ARHGAP10: variants seen among roughly 807,000 people sequenced by gnomAD.
The protein encoded by ARHGAP10 is Rho GTPase activating protein 10.
ARHGAP10 carries 87 observed loss-of-function variants against 108.6 expected under a neutral mutation model. That is an observed-to-expected ratio of 0.80 (90% confidence interval 0.67 to 0.96). The LOEUF is 0.96. ARHGAP10 is among the 40% of genes least tolerant of loss of function. The pLI is 0.00. For synonymous variants in ARHGAP10, 347 were observed against 341.1 expected, an observed-to-expected ratio of 1.02 and a Z score of -0.19; for missense variants, 939 against 954.5, an observed-to-expected ratio of 0.98 and a Z score of 0.21.
intron 18 of ARHGAP10, among the ~76,000 whole-genome samples, chr4:147,969,571 T>C (rs1453323351): frequency 6.6e-6 from 1 of 152,182 alleles, no homozygotes; most frequent in Non-Finnish European, 1.5e-5. Flanking sequence ...TTTGTGAAAA[T>C]ACTGGCTCTG....
At chr4:147,872,944 G>T (rs1010829483) in intron 7 of ARHGAP10, among the ~76,000 whole-genome samples, 8 of 152,070 alleles carry the variant, frequency 5.3e-5, no homozygotes, top group African/African-American at 1.9e-4. Flanking sequence ...AGACTTAGAA[G>T]TGAGCACACT....
At chr4:148,024,700 C>T (rs1331920189) in intron 19 of ARHGAP10, among the ~76,000 whole-genome samples, 12 of 152,250 alleles carry the variant, frequency 7.9e-5, no homozygotes, top group Admixed American at 7.9e-4. Flanking sequence ...TTTAGACACT[C>T]ATTTCAACTT....
chr4:147,745,616 C>T (rs113727407), intron 1 of ARHGAP10, among the ~76,000 whole-genome samples: 4,948 of 151,978 alleles, frequency 0.033, 258 homozygotes, highest in African/African-American at 0.11. Flanking sequence ...CTCAGCCTCC[C>T]GAGTAGCTGG....
chr4:147,947,227 CTTT>C (rs34782915), intron 15 of ARHGAP10, among the ~76,000 whole-genome samples: 2 of 101,592 alleles, frequency 2.0e-5, no homozygotes, highest in African/African-American at 3.3e-5. Flanking sequence ...GAGTCACTGT[CTTT>C]TTTTTTTTTT....
At chr4:147,944,352 T>G (rs1057054682) in intron 14 of ARHGAP10, among the ~76,000 whole-genome samples, 2 of 152,234 alleles carry the variant, frequency 1.3e-5, no homozygotes, top group Non-Finnish European at 2.9e-5. Flanking sequence ...TGTAGTTTAT[T>G]GCATATTGCT....
chr4:148,008,152 T>G (rs561808484), intron 18 of ARHGAP10, among the ~76,000 whole-genome samples: 6 of 152,332 alleles, frequency 3.9e-5, no homozygotes, highest in South Asian at 4.1e-4. Context: ...ATTGCTTGTC[T>G]TGTGTAGCTG....
rs528332350 is a variant in ARHGAP10 at position 147,852,654 on chromosome 4, C to G, written c.385-4899C>G. Among the ~76,000 whole-genome samples the G allele has an allele frequency of 4.7e-5, 7 of 149,254 alleles. No individual in the cohort carries two copies. The South Asian group carries it at 8.5e-4, about 18-fold the overall frequency. ...GCCAGTTTTACCATGGGCCGATTGA[C>G]GTAAACAAAAGTTTTTATGTCATAT... is the stretch of plus-strand genomic sequence containing the variant. On this transcript the variant is annotated intron_variant, in intron 4 of 22. Coordinates refer to ENST00000336498, the MANE Select transcript of ARHGAP10 (RefSeq NM_024605.4).
At chr4:147,762,520 T>TTATTTTTA (rs1265303325) in intron 1 of ARHGAP10, among the ~76,000 whole-genome samples, 218 of 17,624 alleles carry the variant, frequency 0.012, no homozygotes, top group Non-Finnish European at 0.016. Context: ...ATTTATTTAT[T>TTATTTTTA]TTTATTTATT....
chr4:147,822,419 G>A (rs1732539082), intron 1 of ARHGAP10, among the ~76,000 whole-genome samples: 1 of 152,222 alleles, frequency 6.6e-6, no homozygotes, highest in South Asian at 2.1e-4. Context: ...ACTGGAGTGA[G>A]CAGAGAAAGG....
At chr4:147,749,480 A>C (rs1729058799) in intron 1 of ARHGAP10, among the ~76,000 whole-genome samples, 1 of 152,234 alleles carries the variant, frequency 6.6e-6, no homozygotes, top group Admixed American at 6.5e-5. Flanking sequence ...AATCCAGCAG[A>C]ATGGATTGAA....
intron 4 of ARHGAP10, among the ~76,000 whole-genome samples, chr4:147,855,914 G>T (rs1280109479): frequency 6.6e-6 from 1 of 152,132 alleles, no homozygotes; most frequent in African/African-American, 2.4e-5. Context: ...GAATTAACAT[G>T]CTTTGTTTAA....
chr4:147,936,317 CTT>C lies in ARHGAP10; in HGVS notation c.1229-3487_1229-3486del, dbSNP rs765432394. On this transcript the variant is annotated intron_variant, in intron 13 of 22. Transcript: ENST00000336498. ...GGGCTGTGCGGCCTCCTTTTCCTCT[CTT>C]TTTTTTTTTTTTTTTTTTTTGAGAT... Among the ~76,000 whole-genome samples, 29 of 97,896 alleles carry C rather than the reference CTT, an allele frequency of 3.0e-4. No homozygotes were observed. In the South Asian group the frequency reaches 7.6e-3, roughly 26 times the overall value. 64.2% of individuals were successfully genotyped at this position (97,896 alleles called of 152,430 possible). A position where few individuals can be genotyped will look rare whatever the true frequency, so the allele number is the denominator to read the frequency against.
chr4:147,771,636 A>C (rs941166958), intron 1 of ARHGAP10, among the ~76,000 whole-genome samples: 2 of 152,214 alleles, frequency 1.3e-5, no homozygotes, highest in Non-Finnish European at 2.9e-5. Flanking sequence ...GCATAATGTT[A>C]GCTTTCTCCT....
chr4:147,912,447 G>A (rs1179999910), intron 12 of ARHGAP10, among the ~76,000 whole-genome samples: 3 of 150,646 alleles, frequency 2.0e-5, no homozygotes, highest in Non-Finnish European at 4.4e-5. Flanking sequence ...AGGCTGAGGT[G>A]GAAGAATCGC....
chr4:148,043,614 AATAT>A lies in ARHGAP10; in HGVS notation c.1868-3243_1868-3240del, dbSNP rs57931206. On this transcript the variant is annotated intron_variant, in intron 19 of 22. Coordinates refer to ENST00000336498, the MANE Select transcript of ARHGAP10 (RefSeq NM_024605.4). ...GACAACATAGGGAGACCCTCTCTCT[AATAT>A]ATATATATATATATATATATATATA... Among the ~76,000 whole-genome samples, 338 of 54,984 alleles carry A rather than the reference AATAT, an allele frequency of 6.1e-3. 13 individuals are homozygous for A. Among genetic ancestry groups the A allele is most frequent in the Middle Eastern group, 0.019 (2 of 106 alleles). 36.1% of individuals were successfully genotyped at this position (54,984 alleles called of 152,430 possible).
chr4:147,789,823 T>G (rs769373192), intron 1 of ARHGAP10, among the ~76,000 whole-genome samples: 1 of 152,082 alleles, frequency 6.6e-6, no homozygotes, highest in Non-Finnish European at 1.5e-5. Flanking sequence ...TGGAAGTCAT[T>G]AAAAATCAGA....
chr4:147,855,393 T>C (rs1031727931), intron 4 of ARHGAP10, among the ~76,000 whole-genome samples: 1 of 151,500 alleles, frequency 6.6e-6, no homozygotes, highest in Non-Finnish European at 1.5e-5. Flanking sequence ...AAGAGCATAA[T>C]GAAAAGCAGA....
At chr4:147,782,956 TATATA>T (rs942720372) in intron 1 of ARHGAP10, among the ~76,000 whole-genome samples, 14 of 139,942 alleles carry the variant, frequency 1.0e-4, no homozygotes, top group Non-Finnish European at 1.4e-4. Flanking sequence ...ATATAAATTA[TATATA>T]ATATATTAAA....
intron 18 of ARHGAP10, among the ~76,000 whole-genome samples, chr4:147,977,368 T>C (rs1370184533): frequency 6.6e-6 from 1 of 152,170 alleles, no homozygotes; most frequent in Admixed American, 6.5e-5. Flanking sequence ...TTTGGGTATA[T>C]ATGGGCTTGG....
Sources: allele counts gnomAD v4.1 joint callset (sites outside exome capture counted in the v4.1 genomes callset), GRCh38; gene constraint gnomAD v4.1.1; transcripts MANE v1.5; gene names NCBI Gene and HGNC (gene_info 2026-07-23, HGNC 2026-07-21).